Variants in ZNF717 observed in about 807,000 individuals in gnomAD.
ZNF717 encodes the protein krueppel-like factor X17.
A neutral mutation model predicts 13.8 loss-of-function variants in ZNF717; 9 were observed. That is an observed-to-expected ratio of 0.65 (90% confidence interval 0.39 to 1.14). The LOEUF is 1.14. Ranked by LOEUF, ZNF717 falls within the 50% of genes most tolerant of loss-of-function variation. The probability of loss-of-function intolerance (pLI) is 0.01; values close to 1 mark genes in which losing one functional copy is unlikely to be tolerated. For missense variants in ZNF717, 1,040 were observed against 1,080.7 expected (o/e 0.96, Z 0.53); for synonymous variants, 327 against 364.1 (o/e 0.90, Z 1.16).
chr3:75,701,529 C>T (rs1417017614), intron 6 of ZNF717, among the ~76,000 whole-genome samples: 1 of 151,754 alleles, frequency 6.6e-6, no homozygotes, highest in East Asian at 1.9e-4. Context: ...ATTAGCCAGG[C>T]ATGGGGGCAA....
rs1237647483 is a variant in ZNF717, at chr3:75,736,789, G to A, written c.*89C>T. On this transcript the variant is annotated 3_prime_UTR_variant, in exon 5 of 5. Transcript: ENST00000652011. Reference sequence around the variant, plus strand: ...TAAGACCTTCTTGTTGGTAGGCCAGGAGGTAATGGTCACCATTTGTGTCCA... The same window carrying A: ...TAAGACCTTCTTGTTGGTAGGCCAGAAGGTAATGGTCACCATTTGTGTCCA... 1.5e-6 allele frequency: 2 copies of A among 1,356,982 alleles called. No homozygotes were observed. The highest frequency in any genetic ancestry group is 2.5e-5 in the East Asian group (1 of 39,548). The allele number at this position is 1,356,982 out of a possible 1,614,324, so 84.1% of individuals were successfully genotyped here.
chr3:75,758,112 CAAAAAAAA>C (rs111361124), intron 2 of ZNF717, among the ~76,000 whole-genome samples: 2 of 64,538 alleles, frequency 3.1e-5, no homozygotes, highest in African/African-American at 8.1e-5. Context: ...GACTCCATCT[CAAAAAAAA>C]AAAAAAAAAA....
In ZNF717 at chr3:75,737,686, G is replaced by A. The variant is rs752455744; in HGVS notation, c.1937C>T (p.Pro646Leu). ...THQGTHTGEKPYVCNECGKTF... is the reference protein window; with the variant it reads ...THQGTHTGEKLYVCNECGKTF... ...TTTTCCACATTCATTACATACGTAA[G>A]GTTTCTCTCCTGTGTGAGTTCCCTG... is the stretch of plus-strand genomic sequence containing the variant. The change falls in exon 5 of 5, where the codon CCT becomes CTT. Residue 646 changes from proline to leucine, a missense_variant. By Grantham distance (98) the Pro-to-Leu change is moderately conservative. This residue lies in a region of ZNF717 where 873 missense variants were observed against 832.8 expected (regional missense o/e 1.05). Transcript: ENST00000652011. The A allele has an allele frequency of 3.2e-6, 5 of 1,545,576 alleles. No homozygotes were observed. The highest frequency in any genetic ancestry group is 1.4e-5 in the African/African-American group (1 of 72,842).
At chr3:75,760,804 G>C (rs1942939679) in intron 2 of ZNF717, among the ~76,000 whole-genome samples, 1 of 150,474 alleles carries the variant, frequency 6.6e-6, no homozygotes, top group Non-Finnish European at 1.5e-5. Flanking sequence ...TAACAGATTA[G>C]AGCAGAGATA....
chr3:75,718,325 G>C (rs1188156660), intron 4 of ZNF717, among the ~76,000 whole-genome samples: 2 of 152,102 alleles, frequency 1.3e-5, no homozygotes, highest in African/African-American at 4.8e-5. Flanking sequence ...GAAGACATTC[G>C]GCTGGGCTCC....
At chr3:75,761,131 T>C (rs1942969507) in intron 2 of ZNF717, among the ~76,000 whole-genome samples, 2 of 152,164 alleles carry the variant, frequency 1.3e-5, no homozygotes, top group African/African-American at 4.8e-5. Context: ...AGTAAGAAGA[T>C]TCAACCAGTA....
At chr3:75,784,375 AAT>A (rs879800519) in intron 1 of ZNF717, among the ~76,000 whole-genome samples, 35 of 152,250 alleles carry the variant, frequency 2.3e-4, no homozygotes, top group Non-Finnish European at 2.8e-4. Context: ...AACAGAATTC[AAT>A]ATGTTTTTAA....
At chr3:75,774,501 G>A (rs113154239) in intron 2 of ZNF717, among the ~76,000 whole-genome samples, 81 of 118,974 alleles carry the variant, frequency 6.8e-4, no homozygotes, top group Middle Eastern at 5.4e-3. Flanking sequence ...GTTAAGTCAC[G>A]TGGGAAGCAC....
At chr3:75,705,141 T>A (rs1937779147), downstream of ZNF717, among the ~76,000 whole-genome samples, 3 of 152,282 alleles carry the variant, frequency 2.0e-5, no homozygotes, top group Admixed American at 1.3e-4. Flanking sequence ...GTACCCTACT[T>A]TCTAAACCCA....
At chr3:75,725,141 C>T (rs946758757), downstream of ZNF717, among the ~76,000 whole-genome samples, 2 of 151,986 alleles carry the variant, frequency 1.3e-5, no homozygotes, top group Non-Finnish European at 2.9e-5. Context: ...CTGCACTCCT[C>T]GACTCAGTGA....
intron 2 of ZNF717, among the ~76,000 whole-genome samples, chr3:75,777,715 C>CGT (rs1553685622): frequency 1.4e-5 from 2 of 146,390 alleles, no homozygotes; most frequent in Admixed American, 1.4e-4. Context: ...ATGGGAGTGA[C>CGT]GTGCTAAACC....
At chr3:75,778,177 A>G (rs1944484778) in intron 2 of ZNF717, among the ~76,000 whole-genome samples, 1 of 151,906 alleles carries the variant, frequency 6.6e-6, no homozygotes, top group African/African-American at 2.4e-5. Flanking sequence ...GTGACCTGCT[A>G]AACTAGAAAC....
chr3:75,739,543 A>G (rs1225464427), intron 4 of ZNF717, among the ~76,000 whole-genome samples, 198 bp from the exon 5 acceptor site: 2 of 152,222 alleles, frequency 1.3e-5, no homozygotes, highest in Admixed American at 6.5e-5. Context: ...CTAATGTTCA[A>G]TTGAGTTTTT....
chr3:75,709,691 C>A lies in ZNF717; in HGVS notation n.2293G>T, dbSNP rs1390075127. 3 of 152,146 alleles carry A rather than the reference C, an allele frequency of 2.0e-5. No individual in the cohort carries two copies. The South Asian group carries it at 6.2e-4, about 31-fold the overall frequency. 9.4% of individuals were successfully genotyped at this position (152,146 alleles called of 1,614,324 possible). On this transcript the variant is annotated non_coding_transcript_exon_variant, in exon 6 of 6. Transcript: ENST00000491507. Reference sequence around the variant, plus strand: ...TGCAAGGTTGTAATTTTTGTAGAATCTTTTTCATCATCAGGCATACACGCA... The same window carrying A: ...TGCAAGGTTGTAATTTTTGTAGAATATTTTTCATCATCAGGCATACACGCA...
At chr3:75,697,239 CTTT>C (rs79992989) in intron 6 of ZNF717, among the ~76,000 whole-genome samples, 1 of 150,436 alleles carries the variant, frequency 6.6e-6, no homozygotes, top group African/African-American at 2.4e-5. Context: ...GTCAAATTAT[CTTT>C]TTTTTTTTAC....
intron 4 of ZNF717, among the ~76,000 whole-genome samples, chr3:75,723,814 C>G (rs796166402): frequency 1.5e-4 from 20 of 133,658 alleles, no homozygotes; most frequent in Non-Finnish European, 3.3e-4. Context: ...ATCGGGAAAG[C>G]GAGTCTCCCT....
chr3:75,709,209 A>T (rs1471919674), downstream of ZNF717, among the ~76,000 whole-genome samples: 37 of 152,176 alleles, frequency 2.4e-4, no homozygotes, highest in African/African-American at 8.7e-4. Context: ...CATGTTGGCC[A>T]GGCTGGTCTC....
At chr3:75,762,521 T>C (rs1207773408) in intron 2 of ZNF717, among the ~76,000 whole-genome samples, 3 of 151,310 alleles carry the variant, frequency 2.0e-5, no homozygotes, top group Non-Finnish European at 4.4e-5. Flanking sequence ...GGGCAAAAGA[T>C]TTGAACACCA....
chr3:75,776,870 T>C (rs1296316187), intron 2 of ZNF717, among the ~76,000 whole-genome samples: 1 of 152,184 alleles, frequency 6.6e-6, no homozygotes, highest in African/African-American at 2.4e-5. Flanking sequence ...AAACATGGGG[T>C]ATTATAAAGA....
Sources: gnomAD v4.1 joint callset for allele counts (sites outside exome capture counted in the v4.1 genomes callset) on GRCh38, gnomAD v4.1.1 for gene constraint, gnomAD v4.1.1 regional missense constraint, MANE v1.5 for transcripts, NCBI Gene and HGNC (gene_info 2026-07-23, HGNC 2026-07-21) for gene names.